The following SPIRE1 variants were observed in gnomAD, a reference collection of about 807,000 sequenced individuals.
SPIRE1 encodes the protein spire type actin nucleation factor 1.
Under a neutral mutation model 94.1 loss-of-function variants are expected in SPIRE1, and 40 were observed. The observed-to-expected ratio is 0.43, with a 90% CI of 0.33 to 0.55. The LOEUF (loss-of-function observed/expected upper bound fraction) is 0.55. Among genes scored for constraint, SPIRE1 ranks in the 20% least tolerant of loss-of-function variants. The pLI is 0.06. For missense variants in SPIRE1, 838 were observed against 975.2 expected, an observed-to-expected ratio of 0.86 and a Z score of 1.87; for synonymous variants, 376 against 371.7, an observed-to-expected ratio of 1.01 and a Z score of -0.13.
chr18:12,470,025 T>C (rs1192966257), intron 10 of SPIRE1, among the ~76,000 whole-genome samples: 1 of 151,978 alleles, frequency 6.6e-6, no homozygotes, highest in East Asian at 1.9e-4. Flanking sequence ...CACTGCAGCC[T>C]TGACCTCCAG....
intron 2 of SPIRE1, among the ~76,000 whole-genome samples, chr18:12,617,752 C>T (rs766212823): frequency 1.3e-5 from 2 of 152,034 alleles, no homozygotes; most frequent in Admixed American, 6.6e-5. Flanking sequence ...GACGAGGTTT[C>T]ACCATGGTGG....
At chr18:12,526,841 C>A (rs1312878498) in intron 4 of SPIRE1, among the ~76,000 whole-genome samples, 1 of 151,960 alleles carries the variant, frequency 6.6e-6, no homozygotes, top group African/African-American at 2.4e-5. Flanking sequence ...TCTCGAGTAG[C>A]TGGGATTACA....
chr18:12,485,868 T>A (rs2033018966), intron 9 of SPIRE1, 91 bp downstream of exon 9: 1 of 992,382 alleles, frequency 1.0e-6, no homozygotes, highest in African/African-American at 1.7e-5. Context: ...ATTTTCTTTT[T>A]TAACATGTTT....
At chr18:12,455,881 TTCTG>T (rs753132438) in intron 12 of SPIRE1, among the ~76,000 whole-genome samples, 14 of 152,290 alleles carry the variant, frequency 9.2e-5, no homozygotes, top group Middle Eastern at 3.4e-3. Context: ...TAACAATCAG[TTCTG>T]TCTTTCAATC....
intron 4 of SPIRE1, among the ~76,000 whole-genome samples, chr18:12,527,448 A>G (rs993657061): frequency 1.3e-5 from 2 of 152,234 alleles, no homozygotes; most frequent in African/African-American, 4.8e-5. Flanking sequence ...GGGTTTATAT[A>G]TAAGGATAGG....
At chr18:12,579,283 T>C (rs28496036) in intron 2 of SPIRE1, among the ~76,000 whole-genome samples, 72,551 of 151,586 alleles carry the variant, frequency 0.48, 18,125 homozygotes, top group East Asian at 0.6. Context: ...GGGCTGTGCA[T>C]ACAATGGAAT....
upstream of SPIRE1, among the ~76,000 whole-genome samples, chr18:12,659,496 G>T (rs2038651074): frequency 6.6e-6 from 1 of 152,076 alleles, no homozygotes; most frequent in African/African-American, 2.4e-5. Context: ...GGGAAACCCT[G>T]TCTCTACTAA....
At chr18:12,521,792 T>C (rs891963897) in intron 4 of SPIRE1, among the ~76,000 whole-genome samples, 2 of 152,144 alleles carry the variant, frequency 1.3e-5, no homozygotes, top group East Asian at 1.9e-4. Context: ...AAATCTGTTA[T>C]GGAGATCTGT....
intron 1 of SPIRE1, among the ~76,000 whole-genome samples, chr18:12,652,410 A>G (rs2144898423): frequency 6.6e-6 from 1 of 152,272 alleles, no homozygotes; most frequent in South Asian, 2.1e-4. Flanking sequence ...CACTGGAGAA[A>G]ATAAAATGTT....
At position 12,454,498 on chromosome 18, in the gene SPIRE1, G is replaced by A. The variant is rs555990964; in HGVS notation, c.1639-15C>T. On this transcript the variant is annotated splice_polypyrimidine_tract_variant and intron_variant, in intron 12 of 16. Coordinates refer to ENST00000409402, the MANE Select transcript of SPIRE1 (RefSeq NM_001128626.2). ...CAGAATTCCTCCTGAAATTCAAAAT[G>A]TCACGTGAATAAGAGATTCCTACCC... is the stretch of plus-strand genomic sequence containing the variant. 2 of 1,613,656 alleles carry A rather than the reference G, an allele frequency of 1.2e-6. No homozygotes were observed. Among genetic ancestry groups the A allele is most frequent in the African/African-American group, 1.3e-5 (1 of 74,848 alleles).
At chr18:12,563,652 A>G (rs577866420) in intron 2 of SPIRE1, among the ~76,000 whole-genome samples, 11 of 152,352 alleles carry the variant, frequency 7.2e-5, no homozygotes, top group Non-Finnish European at 1.5e-4. Flanking sequence ...GTCCTTTTCC[A>G]TGTTATTGGC....
chr18:12,643,739 C>T (rs947189404), intron 1 of SPIRE1, among the ~76,000 whole-genome samples: 1 of 152,096 alleles, frequency 6.6e-6, no homozygotes, highest in African/African-American at 2.4e-5. Flanking sequence ...TTAACCTTTA[C>T]TATAAACATT....
intron 9 of SPIRE1, among the ~76,000 whole-genome samples, chr18:12,484,629 T>C (rs2032967022): frequency 6.6e-6 from 1 of 152,244 alleles, no homozygotes; most frequent in Non-Finnish European, 1.5e-5. Flanking sequence ...TAAGAGGCAT[T>C]CTATGGCATT....
intron 2 of SPIRE1, among the ~76,000 whole-genome samples, chr18:12,584,167 C>A (rs191502669): frequency 6.6e-6 from 1 of 152,064 alleles, no homozygotes; most frequent in Admixed American, 6.5e-5. Flanking sequence ...CAGTGGCTCA[C>A]GTCTATAATC....
intron 8 of SPIRE1, among the ~76,000 whole-genome samples, chr18:12,489,398 C>CT (rs1310944540): frequency 6.6e-6 from 1 of 152,156 alleles, no homozygotes; most frequent in African/African-American, 2.4e-5. Context: ...TTATTCTGCT[C>CT]TTTTTTTCTC....
chr18:12,658,469 A>G (rs936810343), upstream of SPIRE1: 1 of 440,964 alleles, frequency 2.3e-6, no homozygotes, highest in Non-Finnish European at 4.8e-6. Flanking sequence ...AGGGTGTCGC[A>G]TTTATCAGGG....
At position 12,507,655 on chromosome 18, in the gene SPIRE1, C is replaced by T. The variant is rs1254940421; in HGVS notation, c.808-1014G>A. Among the ~76,000 whole-genome samples the T allele has an allele frequency of 2.7e-5, 4 of 150,868 alleles. No homozygotes were observed. The South Asian group carries it at 8.4e-4, about 32-fold the overall frequency. On this transcript the variant is annotated intron_variant, in intron 5 of 16. Coordinates refer to ENST00000409402, the MANE Select transcript of SPIRE1 (RefSeq NM_001128626.2). ...TAGAGGTTGCAGTGAGCCCAGATCG[C>T]ACCACTGTACTCCAGCTTGGGCGAC...
intron 13 of SPIRE1, 115 bp downstream of exon 13, chr18:12,454,231 C>T (rs116984958): frequency 0.027 from 33,129 of 1,230,090 alleles, 562 homozygotes; most frequent in Middle Eastern, 0.039. Flanking sequence ...CATCACACAT[C>T]CCAAATCCCC....
chr18:12,482,344 C>T (rs1901729449), intron 9 of SPIRE1, among the ~76,000 whole-genome samples: 1 of 152,060 alleles, frequency 6.6e-6, no homozygotes, highest in South Asian at 2.1e-4. Flanking sequence ...GAGGTTTCGC[C>T]ATGTTGGCCA....
Sources: gnomAD v4.1 joint callset for allele counts (sites outside exome capture counted in the v4.1 genomes callset) on GRCh38, gnomAD v4.1.1 for gene constraint, MANE v1.5 for transcripts, NCBI Gene and HGNC (gene_info 2026-07-23, HGNC 2026-07-21) for gene names.